ANKIB1: variants seen among roughly 807,000 people sequenced by gnomAD.
The protein encoded by ANKIB1 is ankyrin repeat and IBR domain containing 1.
ANKIB1 carries 43 observed loss-of-function variants against 122.1 expected under a neutral mutation model. That is an observed-to-expected ratio of 0.35 (90% confidence interval 0.28 to 0.45). The LOEUF (loss-of-function observed/expected upper bound fraction) is 0.45, where lower values mean the gene tolerates loss of function less well. ANKIB1 is among the 20% of genes least tolerant of loss of function. ANKIB1 has a pLI of 1.00. For missense variants in ANKIB1, 992 were observed against 1,329.5 expected, an observed-to-expected ratio of 0.75 and a Z score of 3.95; for synonymous variants, 390 against 442.0, an observed-to-expected ratio of 0.88 and a Z score of 1.48.
chr7:92,278,371 C>T (rs1464964707), intron 1 of ANKIB1, among the ~76,000 whole-genome samples: 1 of 152,118 alleles, frequency 6.6e-6, no homozygotes, highest in Non-Finnish European at 1.5e-5. Context: ...GCTCAGCAGT[C>T]GGTTTGAGTT....
In ANKIB1 at chr7:92,316,379, T is replaced by G. The variant is rs967460255; in HGVS notation, c.487-2951T>G. On this transcript the variant is annotated intron_variant, in intron 3 of 19. Transcript: ENST00000265742. ...CTTTTACTTACTGGTGTTCCTGACT[T>G]TATGCCGTAAAGGTCAGCAAGCTGA... 2.0e-5 allele frequency among the ~76,000 whole-genome samples: 3 copies of G among 152,338 alleles called. No homozygotes were observed. In the South Asian group the frequency reaches 6.2e-4, roughly 32 times the overall value.
chr7:92,366,114 C>G (rs1804076834), intron 10 of ANKIB1, among the ~76,000 whole-genome samples: 1 of 151,886 alleles, frequency 6.6e-6, no homozygotes, highest in African/African-American at 2.4e-5. Context: ...TGCTAGTTGC[C>G]TAAAAGATTT....
chr7:92,265,560 C>T (rs546706750), intron 1 of ANKIB1, among the ~76,000 whole-genome samples: 2 of 152,290 alleles, frequency 1.3e-5, no homozygotes, highest in Admixed American at 6.5e-5. Flanking sequence ...TAACTATTGT[C>T]TGGCTGCTGT....
At chr7:92,311,278 C>T (rs1377970476) in intron 3 of ANKIB1, among the ~76,000 whole-genome samples, 1 of 152,054 alleles carries the variant, frequency 6.6e-6, no homozygotes, top group Non-Finnish European at 1.5e-5. Flanking sequence ...GATTTTTAGT[C>T]TTGATCCTCA....
chr7:92,338,280 G>A (rs1289152076), intron 5 of ANKIB1, among the ~76,000 whole-genome samples: 1 of 151,748 alleles, frequency 6.6e-6, no homozygotes, highest in Non-Finnish European at 1.5e-5. Flanking sequence ...ATCTGGGCAT[G>A]GTGGCATATG....
chr7:92,259,935 A>G lies in ANKIB1; in HGVS notation c.-91+13416A>G, dbSNP rs113801862. On this transcript the variant is annotated intron_variant, in intron 1 of 19. Transcript: ENST00000265742. ...AGAATCCAACTAAGAATTCACCACC[A>G]TCACTGCTACCTCCTGTCTTTAAGC... 3.3e-5 allele frequency among the ~76,000 whole-genome samples: 5 copies of G among 152,312 alleles called. 1 individual carries two copies. Among genetic ancestry groups the G allele is most frequent in the African/African-American group, 1.2e-4 (5 of 41,562 alleles).
intron 3 of ANKIB1, among the ~76,000 whole-genome samples, chr7:92,310,976 G>A (rs1312801026): frequency 6.6e-6 from 1 of 152,100 alleles, no homozygotes; most frequent in Non-Finnish European, 1.5e-5. Context: ...TTATTTTCAG[G>A]TGGTATCATA....
chr7:92,285,206 G>A (rs1394159272), intron 1 of ANKIB1, among the ~76,000 whole-genome samples: 1 of 152,034 alleles, frequency 6.6e-6, no homozygotes, highest in Non-Finnish European at 1.5e-5. Flanking sequence ...TAGTAGATGG[G>A]GTTTCACCAT....
chr7:92,293,703 T>C (rs1387386570), intron 1 of ANKIB1, among the ~76,000 whole-genome samples: 1 of 152,220 alleles, frequency 6.6e-6, no homozygotes, highest in Non-Finnish European at 1.5e-5. Context: ...TGTAAGTTCC[T>C]TATCTGGTCC....
At chr7:92,263,002 T>C (rs1562763866) in intron 1 of ANKIB1, among the ~76,000 whole-genome samples, 3 of 152,170 alleles carry the variant, frequency 2.0e-5, no homozygotes, top group Non-Finnish European at 4.4e-5. Context: ...TGTAAGCTAG[T>C]AAGTTGTAGA....
intron 17 of ANKIB1, chr7:92,396,076 T>G: frequency 2.8e-6 from 1 of 360,578 alleles, no homozygotes; most frequent in Non-Finnish European, 5.0e-6. Flanking sequence ...GATAACAAGA[T>G]CCTTGAAATC....
chr7:92,335,378 T>A (rs1277981897), intron 5 of ANKIB1, among the ~76,000 whole-genome samples: 1 of 151,988 alleles, frequency 6.6e-6, no homozygotes, highest in Non-Finnish European at 1.5e-5. Context: ...CATAGTGTTC[T>A]ATAAATGTTA....
chr7:92,296,013 G>A (rs574250149), intron 2 of ANKIB1, among the ~76,000 whole-genome samples: 3 of 152,136 alleles, frequency 2.0e-5, no homozygotes, highest in Non-Finnish European at 2.9e-5. Context: ...TCTAGAACTA[G>A]TATTCAGAGC....
Position 92,352,517 on chromosome 7 carries a change from T to C in ANKIB1, c.1272T>C (p.Thr424=). The change falls in exon 9 of 20, where the codon ACT becomes ACC. Residue 424 remains threonine (T), a synonymous_variant. Coordinates refer to ENST00000265742, the MANE Select transcript of ANKIB1 (RefSeq NM_019004.2). ...ATCCTGCCATTAAATGGTGTCCTAC[T>C]CCAGGCTGTGACAGAGCAGTAAGAC... The part of the protein sequence containing the change: ...ENNPAIKWCP[T]PGCDRAVRLT... 1 of 1,613,766 alleles carries C rather than the reference T, an allele frequency of 6.2e-7. No homozygotes were observed. The highest frequency in any genetic ancestry group is 8.5e-7 in the Non-Finnish European group (1 of 1,179,808).
At chr7:92,294,742 G>C in intron 1 of ANKIB1, 147 bp from the exon 2 acceptor site, 1 of 429,506 alleles carries the variant, frequency 2.3e-6, no homozygotes, top group Non-Finnish European at 4.1e-6. Context: ...AGATTTTTTT[G>C]GCTGTTAAGA....
chr7:92,359,318 A>G (rs780071126), intron 9 of ANKIB1, among the ~76,000 whole-genome samples: 1 of 152,022 alleles, frequency 6.6e-6, no homozygotes, highest in Non-Finnish European at 1.5e-5. Flanking sequence ...GAGAACATGC[A>G]TTGTTTGGTT....
chr7:92,362,224 A>T lies in ANKIB1; in HGVS notation c.1437A>T (p.Gln479His). 1.2e-6 allele frequency: 2 copies of T among 1,601,466 alleles called. No homozygotes were observed. The highest frequency in any genetic ancestry group is 1.7e-6 in the Non-Finnish European group (2 of 1,173,838). Residue 479 changes from glutamine (Q) to histidine (H), a missense_variant, in exon 10 of 20, where the codon CAA becomes CAT. This residue lies in a region of ANKIB1 where 521 missense variants were observed against 777.7 expected (regional missense o/e 0.67). Transcript: ENST00000265742. ...LGEAHEPCDCQTWKNWLQKIT... is the reference protein window; with the variant it reads ...LGEAHEPCDCHTWKNWLQKIT... ...AAGCACATGAGCCTTGTGACTGCCA[A>T]ACATGGAAGAATTGGCTGCAAAAAA...
intron 4 of ANKIB1, among the ~76,000 whole-genome samples, chr7:92,327,046 T>G (rs1043651689): frequency 6.6e-6 from 1 of 152,244 alleles, no homozygotes; most frequent in Non-Finnish European, 1.5e-5. Context: ...CCCAGTTGAT[T>G]TGCAGAAAGA....
At chr7:92,321,705 G>A (rs1379381536) in intron 4 of ANKIB1, among the ~76,000 whole-genome samples, 1 of 152,130 alleles carries the variant, frequency 6.6e-6, no homozygotes, top group African/African-American at 2.4e-5. Flanking sequence ...TCATACAATT[G>A]TGTTGTTTAT....
Sources: allele counts gnomAD v4.1 joint callset (sites outside exome capture counted in the v4.1 genomes callset), GRCh38; gene constraint gnomAD v4.1.1; regional missense constraint gnomAD v4.1.1; transcripts MANE v1.5; gene names NCBI Gene and HGNC (gene_info 2026-07-23, HGNC 2026-07-21).